The following MAP2K2 variants were observed in gnomAD, a reference collection of about 807,000 sequenced individuals.
The protein encoded by MAP2K2 is dual specificity mitogen-activated protein kinase kinase 2.
Under a neutral mutation model 43.7 loss-of-function variants are expected in MAP2K2, and 24 were observed. That is an observed-to-expected ratio of 0.55 (90% CI 0.40 to 0.77). MAP2K2 has a LOEUF of 0.77. MAP2K2 is among the 30% of genes least tolerant of loss of function. MAP2K2 has a pLI of 0.00. For missense variants in MAP2K2, 470 were observed against 566.8 expected (o/e 0.83, Z 1.73); for synonymous variants, 244 against 239.7 (o/e 1.02, Z -0.17).
At chr19:4,119,102 A>G (rs2041262562) in intron 1 of MAP2K2, among the ~76,000 whole-genome samples, 1 of 152,180 alleles carries the variant, frequency 6.6e-6, no homozygotes, top group Non-Finnish European at 1.5e-5. Flanking sequence ...CGGCACGATT[A>G]CAGCTCACTG....
chr19:4,094,514 G>A lies in MAP2K2; in HGVS notation c.1047-16C>T. 1 of 1,563,242 alleles carries A rather than the reference G, an allele frequency of 6.4e-7. No individual in the cohort carries two copies. The highest frequency in any genetic ancestry group is 8.7e-7 in the Non-Finnish European group (1 of 1,153,226). Reference sequence around the variant, plus strand: ...CTTGATGAGGCTGGGGGTTCCAAGAGGCAGGACCGGGAGGCGGTGGAGGAG... The same window carrying A: ...CTTGATGAGGCTGGGGGTTCCAAGAAGCAGGACCGGGAGGCGGTGGAGGAG... On this transcript the variant is annotated splice_polypyrimidine_tract_variant and intron_variant, in intron 9 of 10. Transcript: ENST00000262948.
chr19:4,120,767 T>C (rs1158142480), intron 1 of MAP2K2, among the ~76,000 whole-genome samples: 1 of 152,120 alleles, frequency 6.6e-6, no homozygotes, highest in East Asian at 1.9e-4. Context: ...AACCTTGGCG[T>C]CCCTACAGCC....
At chr19:4,114,261 G>A (rs2041192437) in intron 2 of MAP2K2, among the ~76,000 whole-genome samples, 1 of 152,158 alleles carries the variant, frequency 6.6e-6, no homozygotes, top group Non-Finnish European at 1.5e-5. Flanking sequence ...TCCGATTCAG[G>A]CACTGACCCC....
chr19:4,100,744 T>A, intron 6 of MAP2K2: 1 of 545,634 alleles, frequency 1.8e-6, no homozygotes, highest in African/African-American at 1.9e-5. Flanking sequence ...ACGTGCCTTG[T>A]GGCAAGTGGG....
At chr19:4,103,946 A>G (rs1409458203) in intron 3 of MAP2K2, among the ~76,000 whole-genome samples, 1 of 152,054 alleles carries the variant, frequency 6.6e-6, no homozygotes, top group Non-Finnish European at 1.5e-5. Context: ...TTATCAATCT[A>G]CCTTAAAAGA....
At chr19:4,100,917 G>T in intron 6 of MAP2K2, 102 bp downstream of exon 6, 1 of 1,346,560 alleles carries the variant, frequency 7.4e-7, no homozygotes, top group Non-Finnish European at 1.0e-6. Flanking sequence ...AGACATGGGG[G>T]TGAGAGCTGA....
At chr19:4,090,977 A>G (rs1432562236) in intron 10 of MAP2K2, among the ~76,000 whole-genome samples, 2 of 152,200 alleles carry the variant, frequency 1.3e-5, no homozygotes, top group Non-Finnish European at 2.9e-5. Flanking sequence ...CTGCGCTCCC[A>G]GGGGAGGGTC....
chr19:4,118,211 T>C (rs1372834984), intron 1 of MAP2K2, among the ~76,000 whole-genome samples: 1 of 152,168 alleles, frequency 6.6e-6, no homozygotes, highest in Non-Finnish European at 1.5e-5. Flanking sequence ...GTGCTGGGAT[T>C]ATAGGCGTGA....
intron 1 of MAP2K2, among the ~76,000 whole-genome samples, chr19:4,121,656 A>C (rs1599310709): frequency 1.2e-5 from 1 of 82,188 alleles, no homozygotes. Context: ...CCCCCCCCAC[A>C]ACATGAACCC....
chr19:4,093,314 C>T (rs1568248894), intron 10 of MAP2K2, among the ~76,000 whole-genome samples: 2 of 152,172 alleles, frequency 1.3e-5, no homozygotes, highest in African/African-American at 2.4e-5. Context: ...GGGAGGATCA[C>T]TTGAGCACGG....
chr19:4,105,270 C>CT (rs760235658), intron 3 of MAP2K2, among the ~76,000 whole-genome samples: 119 of 137,274 alleles, frequency 8.7e-4, no homozygotes, highest in Middle Eastern at 3.9e-3. Flanking sequence ...ATTTTTCTTT[C>CT]TTTTTTTTTT....
At chr19:4,110,056 C>T (rs2145068690) in intron 3 of MAP2K2, among the ~76,000 whole-genome samples, 1 of 152,256 alleles carries the variant, frequency 6.6e-6, no homozygotes, top group East Asian at 1.9e-4. Flanking sequence ...GTAATCCCAG[C>T]ACTTTGGGAA....
chr19:4,116,009 C>G (rs1156410312), intron 2 of MAP2K2, among the ~76,000 whole-genome samples: 1 of 152,152 alleles, frequency 6.6e-6, no homozygotes, highest in African/African-American at 2.4e-5. Flanking sequence ...TGACTAAGCA[C>G]GGGGGCCGTC....
Position 4,115,300 on chromosome 19 carries a change from CT to C in MAP2K2, c.303+2118del, listed in dbSNP as rs1237165591. ...AAAGGCCCCGATCTCCCTTTCCCCG[CT>C]ACAGTAAAGCTGCAGGTGGGCCCGG... On this transcript the variant is annotated intron_variant, in intron 2 of 10. Transcript: ENST00000262948. The surrounding 1 kb of genome is among the most constrained non-coding windows in gnomAD (Gnocchi z 4.1). 6.6e-6 allele frequency among the ~76,000 whole-genome samples: 1 copy of C among 152,198 alleles called. No individual in the cohort carries two copies. The highest frequency in any genetic ancestry group is 1.9e-4 in the East Asian group (1 of 5,198).
At chr19:4,113,139 C>T (rs1313460445) in intron 2 of MAP2K2, among the ~76,000 whole-genome samples, 1 of 152,056 alleles carries the variant, frequency 6.6e-6, no homozygotes. Flanking sequence ...CGTCGCAAGT[C>T]GTAATTTAGG....
At chr19:4,102,947 C>T (rs528804091) in intron 3 of MAP2K2, 11 of 1,102,210 alleles carry the variant, frequency 1.0e-5, no homozygotes, top group Non-Finnish European at 1.2e-5. Context: ...TGCTGCCCCG[C>T]GTGGGAGGAG....
chr19:4,103,345 A>C, intron 3 of MAP2K2: 1 of 824,070 alleles, frequency 1.2e-6, no homozygotes, highest in Non-Finnish European at 1.5e-6. Flanking sequence ...AAACCCCCAA[A>C]TGCCAAAACC....
chr19:4,123,132 C>T (rs535980464), intron 1 of MAP2K2, among the ~76,000 whole-genome samples: 2 of 151,888 alleles, frequency 1.3e-5, no homozygotes, highest in South Asian at 2.1e-4. Flanking sequence ...AACTCTTCAC[C>T]CTCATTTCAC....
intron 10 of MAP2K2, among the ~76,000 whole-genome samples, chr19:4,090,984 G>A (rs2040849548): frequency 6.6e-6 from 1 of 152,206 alleles, no homozygotes; most frequent in Non-Finnish European, 1.5e-5. Flanking sequence ...CCCAGGGGAG[G>A]GTCTACGCTC....
Sources: allele counts gnomAD v4.1 joint callset (sites outside exome capture counted in the v4.1 genomes callset), GRCh38; gene constraint gnomAD v4.1.1; non-coding constraint Gnocchi (gnomAD v3.1); transcripts MANE v1.5; gene names NCBI Gene and HGNC (gene_info 2026-07-23, HGNC 2026-07-21).